Variants in CFAP20DC observed in about 807,000 individuals in gnomAD.
CFAP20DC encodes the protein CFAP20 domain containing, also known as protein CFAP20DC.
CFAP20DC carries 84 observed loss-of-function variants against 101.7 expected under a neutral mutation model. The ratio of observed to expected loss-of-function variants is 0.83; its 90% CI spans 0.69 to 0.99. The LOEUF (loss-of-function observed/expected upper bound fraction) is 0.99. CFAP20DC is among the 50% of genes least tolerant of loss of function. CFAP20DC has a pLI of 0.00. For missense variants in CFAP20DC, 1,007 were observed against 970.3 expected (o/e 1.04, Z -0.50); for synonymous variants, 359 against 351.2 (o/e 1.02, Z -0.25).
intron 6 of CFAP20DC, among the ~76,000 whole-genome samples, chr3:58,900,826 A>C (rs2083085542): frequency 6.6e-6 from 1 of 152,222 alleles, no homozygotes; most frequent in Admixed American, 6.5e-5. Flanking sequence ...TTGGCCATAA[A>C]GCCATCATAA....
At chr3:58,798,644 A>C (rs191503432) in intron 15 of CFAP20DC, among the ~76,000 whole-genome samples, 56 of 152,338 alleles carry the variant, frequency 3.7e-4, no homozygotes, top group African/African-American at 1.3e-3. Flanking sequence ...TGTGGGTAAA[A>C]TGCCATCAAA....
intron 16 of CFAP20DC, among the ~76,000 whole-genome samples, chr3:58,743,743 G>A (rs998258827): frequency 1.3e-5 from 2 of 152,154 alleles, no homozygotes; most frequent in Non-Finnish European, 2.9e-5. Context: ...TGGTTGTGGG[G>A]TTCCATCTTA....
chr3:58,919,989 A>G (rs2085164625), intron 5 of CFAP20DC, among the ~76,000 whole-genome samples: 1 of 151,086 alleles, frequency 6.6e-6, no homozygotes, highest in African/African-American at 2.4e-5. Flanking sequence ...GTCTATTTTT[A>G]ATTTTTTAAT....
intron 4 of CFAP20DC, among the ~76,000 whole-genome samples, chr3:58,977,868 C>T (rs1408514664): frequency 3.9e-5 from 6 of 152,116 alleles, no homozygotes; most frequent in African/African-American, 7.2e-5. Flanking sequence ...ACCCTGGTAC[C>T]AAGGCTAGAA....
At chr3:59,042,774 A>G (rs990814300) in intron 3 of CFAP20DC, among the ~76,000 whole-genome samples, 9 of 152,188 alleles carry the variant, frequency 5.9e-5, no homozygotes, top group Admixed American at 4.6e-4. Flanking sequence ...CAATTAGGTT[A>G]CTACAATAAT....
intron 5 of CFAP20DC, among the ~76,000 whole-genome samples, chr3:58,917,550 T>C (rs1576298490): frequency 6.6e-6 from 1 of 152,190 alleles, no homozygotes; most frequent in Admixed American, 6.6e-5. Context: ...CCCAGAGTTT[T>C]AGAACCTCAT....
At chr3:58,907,812 G>T (rs2083753960) in intron 6 of CFAP20DC, among the ~76,000 whole-genome samples, 1 of 152,148 alleles carries the variant, frequency 6.6e-6, no homozygotes. Flanking sequence ...TAAAGATAGG[G>T]TGCGTACAAG....
intron 5 of CFAP20DC, among the ~76,000 whole-genome samples, chr3:58,935,251 C>G (rs576847036): frequency 6.6e-6 from 1 of 152,118 alleles, no homozygotes; most frequent in Admixed American, 6.5e-5. Context: ...GAACTACAAA[C>G]CACTGCTCAA....
At chr3:58,880,620 T>G (rs2081164103) in intron 7 of CFAP20DC, among the ~76,000 whole-genome samples, 1 of 152,102 alleles carries the variant, frequency 6.6e-6, no homozygotes, top group South Asian at 2.1e-4. Context: ...ATTATTAAAG[T>G]TTTTTCAATA....
intron 6 of CFAP20DC, among the ~76,000 whole-genome samples, chr3:58,889,033 T>C (rs1482151120): frequency 6.6e-6 from 1 of 152,050 alleles, no homozygotes; most frequent in African/African-American, 2.4e-5. Flanking sequence ...TTTTGTTTAA[T>C]CCAACATATA....
chr3:58,892,548 A>C lies in CFAP20DC; in HGVS notation c.551-7839T>G, dbSNP rs375358546. Reference sequence around the variant, plus strand: ...TAGTCCTCCTTGAAGAGGTCCTTCAATTCCTTTGTTAATTGTATTCCTAGA... The same window carrying C: ...TAGTCCTCCTTGAAGAGGTCCTTCACTTCCTTTGTTAATTGTATTCCTAGA... On this transcript the variant is annotated intron_variant, in intron 6 of 16. Coordinates refer to ENST00000482387, the MANE Select transcript of CFAP20DC (RefSeq NM_001394063.1). The surrounding 1 kb of genome is among the most constrained non-coding windows in gnomAD (Gnocchi z 4.0). 1.2e-3 allele frequency among the ~76,000 whole-genome samples: 189 copies of C among 152,156 alleles called. No individual in the cohort carries two copies. Among genetic ancestry groups the C allele is most frequent in the African/African-American group, 4.3e-3 (179 of 41,512 alleles).
rs1576839903 is a variant in CFAP20DC at position 59,049,461 on chromosome 3, G to A, written c.21+150C>T. ...TTGGTAAATTTTTCCTTCTCTCTGG[G>A]TCAACAGCATTCACCCATTAATTCT... On this transcript the variant is annotated intron_variant, in intron 1 of 16. Transcript: ENST00000482387. The A allele has an allele frequency of 3.7e-6, 3 of 815,392 alleles. No homozygotes were observed. In the African/African-American group the frequency reaches 5.1e-5, roughly 14 times the overall value. The allele number at this position is 815,392 out of a possible 1,614,324, so 50.5% of individuals were successfully genotyped here.
chr3:58,979,823 T>C (rs1398737357), intron 4 of CFAP20DC, among the ~76,000 whole-genome samples: 2 of 152,078 alleles, frequency 1.3e-5, no homozygotes, highest in South Asian at 2.1e-4. Context: ...TTTTCTTTTT[T>C]TTTTTTTATG....
chr3:58,981,809 T>C lies in CFAP20DC; in HGVS notation c.279-44047A>G, dbSNP rs1305644674. ...GACATAGGCATGGGCAAGGACTTCA[T>C]GTCTAAAACACCAAAAGCAATGGCA... On this transcript the variant is annotated intron_variant, in intron 4 of 16. Transcript: ENST00000482387. Among the ~76,000 whole-genome samples the C allele has an allele frequency of 4.6e-5, 7 of 152,194 alleles. No individual in the cohort carries two copies. In the South Asian group the frequency reaches 8.3e-4, roughly 18 times the overall value.
At chr3:59,000,920 C>A (rs2093291603) in intron 4 of CFAP20DC, among the ~76,000 whole-genome samples, 1 of 151,934 alleles carries the variant, frequency 6.6e-6, no homozygotes, top group South Asian at 2.1e-4. Context: ...GAAATTCAAT[C>A]ATAAAAAGAC....
In CFAP20DC at chr3:58,864,099, C is replaced by T. The variant is rs2079477012; in HGVS notation, c.1259-207G>A. Among the ~76,000 whole-genome samples the T allele has an allele frequency of 6.6e-6, 1 of 152,110 alleles. No homozygotes were observed. The highest frequency in any genetic ancestry group is 6.5e-5 in the Admixed American group (1 of 15,274). ...TGAGCCTCCTGAGTAGGTGGGATTA[C>T]AGGTGCACGCCATCATGCCCGGCTA... is the stretch of plus-strand genomic sequence containing the variant. On this transcript the variant is annotated intron_variant, in intron 11 of 16. Transcript: ENST00000482387. The surrounding 1 kb of genome is among the most constrained non-coding windows in gnomAD (Gnocchi z 4.7).
chr3:59,012,133 T>C (rs2093596918), intron 4 of CFAP20DC, among the ~76,000 whole-genome samples: 1 of 152,186 alleles, frequency 6.6e-6, no homozygotes, highest in Admixed American at 6.5e-5. Context: ...ATCATAGAAG[T>C]ATAAAAAGAA....
intron 14 of CFAP20DC, among the ~76,000 whole-genome samples, chr3:58,808,991 G>A (rs1313173640): frequency 6.6e-6 from 1 of 151,766 alleles, no homozygotes; most frequent in Admixed American, 6.6e-5. Context: ...ATGGTAAAGG[G>A]ATGAATTCAA....
intron 6 of CFAP20DC, among the ~76,000 whole-genome samples, chr3:58,908,439 T>C (rs2083818478): frequency 6.6e-6 from 1 of 152,188 alleles, no homozygotes; most frequent in African/African-American, 2.4e-5. Context: ...ACTAAGATCA[T>C]ACTAAAAAGT....
Sources: allele counts gnomAD v4.1 joint callset (sites outside exome capture counted in the v4.1 genomes callset), GRCh38; gene constraint gnomAD v4.1.1; non-coding constraint Gnocchi (gnomAD v3.1); transcripts MANE v1.5; gene names NCBI Gene and HGNC (gene_info 2026-07-23, HGNC 2026-07-21).